Variants in CSMD1 observed in about 807,000 individuals in gnomAD.
CSMD1 encodes CUB and sushi domain-containing protein 1.
A neutral mutation model predicts 417.5 loss-of-function variants in CSMD1; 213 were observed. The observed-to-expected ratio is 0.51, with a 90% CI of 0.46 to 0.57. The LOEUF is 0.57. Ranked by LOEUF, CSMD1 falls within the 20% of genes least tolerant of loss-of-function variation. CSMD1 has a pLI of 0.00. For synonymous variants in CSMD1, 2,862 were observed against 1,736.8 expected, an observed-to-expected ratio of 1.65 and a Z score of -16.11; for missense variants, 6,923 against 4,529.7, an observed-to-expected ratio of 1.53 and a Z score of -15.17.
At chr8:4,274,708 A>T (rs989417184) in intron 3 of CSMD1, among the ~76,000 whole-genome samples, 11 of 152,154 alleles carry the variant, frequency 7.2e-5, no homozygotes, top group African/African-American at 2.4e-4. Flanking sequence ...GTGCAAAGTC[A>T]ACATAATACA....
chr8:3,398,759 G>A lies in CSMD1; in HGVS notation c.2405+632C>T, dbSNP rs9969535. 2.6e-5 allele frequency among the ~76,000 whole-genome samples: 4 copies of A among 151,948 alleles called. No individual in the cohort carries two copies. The East Asian group carries it at 5.8e-4, about 22-fold the overall frequency. ...CATCAATTTGGTCTCAGTGTTGAGAGAAATGGGAAAACCCTTCTTATATAG... is the reference window on the plus strand; with the variant it reads ...CATCAATTTGGTCTCAGTGTTGAGAAAAATGGGAAAACCCTTCTTATATAG... On this transcript the variant is annotated intron_variant, in intron 16 of 69. Coordinates refer to ENST00000635120, the MANE Select transcript of CSMD1 (RefSeq NM_033225.6).
chr8:3,382,273 T>A (rs1012391016), intron 18 of CSMD1, among the ~76,000 whole-genome samples: 6 of 150,528 alleles, frequency 4.0e-5, no homozygotes, highest in African/African-American at 1.5e-4. Flanking sequence ...TTCTTCTGAT[T>A]CCTAGTCAGC....
At chr8:3,905,552 C>A (rs1288834315) in intron 5 of CSMD1, among the ~76,000 whole-genome samples, 1 of 152,238 alleles carries the variant, frequency 6.6e-6, no homozygotes, top group African/African-American at 2.4e-5. Flanking sequence ...TCCCATCTCA[C>A]TGGGAGGGCT....
chr8:3,280,616 G>A (rs1023611577), intron 26 of CSMD1, among the ~76,000 whole-genome samples: 1 of 152,138 alleles, frequency 6.6e-6, no homozygotes, highest in East Asian at 1.9e-4. Flanking sequence ...TCCTATCCAA[G>A]TGTTACGTGA....
chr8:4,040,865 G>C (rs951876953), intron 3 of CSMD1, among the ~76,000 whole-genome samples: 2 of 152,114 alleles, frequency 1.3e-5, no homozygotes, highest in Admixed American at 6.6e-5. Context: ...AAATGCTGTT[G>C]CAAGATAATG....
At chr8:4,706,804 G>C (rs1807972245) in intron 1 of CSMD1, among the ~76,000 whole-genome samples, 1 of 152,222 alleles carries the variant, frequency 6.6e-6, no homozygotes, top group South Asian at 2.1e-4. Flanking sequence ...GACAGTGCTT[G>C]ACTTGTGTCA....
At chr8:4,004,953 C>T (rs1242194186) in intron 4 of CSMD1, among the ~76,000 whole-genome samples, 2 of 152,066 alleles carry the variant, frequency 1.3e-5, no homozygotes, top group African/African-American at 4.8e-5. Context: ...ACCGTGTTAG[C>T]CAGGATGGTC....
At chr8:3,593,838 CTCTCTTTCTCTATTTT>C (rs1800968653) in intron 8 of CSMD1, among the ~76,000 whole-genome samples, 1 of 152,152 alleles carries the variant, frequency 6.6e-6, no homozygotes, top group Admixed American at 6.5e-5. Flanking sequence ...CTATCTCCCT[CTCTCTTTCTCTATTTT>C]TCTCTTTCCC....
chr8:3,978,502 T>C (rs1229728414), intron 5 of CSMD1, among the ~76,000 whole-genome samples: 5 of 152,174 alleles, frequency 3.3e-5, no homozygotes, highest in Non-Finnish European at 7.3e-5. Flanking sequence ...CTTCAATACA[T>C]TCTACCACGC....
intron 3 of CSMD1, among the ~76,000 whole-genome samples, chr8:4,203,082 G>A (rs4875308): frequency 0.41 from 62,385 of 152,104 alleles, 14,262 homozygotes; most frequent in South Asian, 0.51. Context: ...CAAGTGAGAT[G>A]ACTTGCAGTT....
chr8:4,817,297 T>C (rs546101009), intron 1 of CSMD1, among the ~76,000 whole-genome samples: 14 of 152,320 alleles, frequency 9.2e-5, no homozygotes, highest in Non-Finnish European at 2.1e-4. Flanking sequence ...AATCAAGCTA[T>C]ACATTAAGGT....
At chr8:3,828,714 A>T (rs1303912503) in intron 5 of CSMD1, among the ~76,000 whole-genome samples, 1 of 152,076 alleles carries the variant, frequency 6.6e-6, no homozygotes, top group Non-Finnish European at 1.5e-5. Context: ...CCTAGTTTGG[A>T]GCCTTTCTGC....
chr8:3,889,020 A>G (rs1282390708), intron 5 of CSMD1, among the ~76,000 whole-genome samples: 6 of 152,150 alleles, frequency 3.9e-5, no homozygotes, highest in East Asian at 1.9e-4. Context: ...TTCAATTACC[A>G]TAATTGCCAT....
chr8:4,206,289 C>T (rs1441978596), intron 3 of CSMD1, among the ~76,000 whole-genome samples: 1 of 152,058 alleles, frequency 6.6e-6, no homozygotes, highest in African/African-American at 2.4e-5. Context: ...TGGTGTGCTG[C>T]ACCCATTAAC....
chr8:4,359,343 C>G (rs1801619248), intron 3 of CSMD1, among the ~76,000 whole-genome samples: 1 of 152,176 alleles, frequency 6.6e-6, no homozygotes, highest in Non-Finnish European at 1.5e-5. Flanking sequence ...TACAACATAT[C>G]TAAACACTAT....
At chr8:3,932,745 G>T (rs2627330) in intron 5 of CSMD1, among the ~76,000 whole-genome samples, 117,395 of 149,906 alleles carry the variant, frequency 0.78, 47,246 homozygotes, top group African/African-American at 0.81. Context: ...TAGTGTAATG[G>T]GATAAACCAC....
intron 3 of CSMD1, among the ~76,000 whole-genome samples, chr8:4,183,924 G>C (rs1456200529): frequency 6.6e-6 from 1 of 152,092 alleles, no homozygotes; most frequent in Non-Finnish European, 1.5e-5. Context: ...GCTACCACAT[G>C]ATAGTCTGGG....
chr8:3,676,666 G>T (rs948661114), intron 7 of CSMD1, among the ~76,000 whole-genome samples: 1 of 152,170 alleles, frequency 6.6e-6, no homozygotes, highest in East Asian at 1.9e-4. Context: ...TAGAGTATAT[G>T]AATCAAGTTC....
Position 4,590,211 on chromosome 8 carries a change from G to A in CSMD1, c.302+47131C>T, listed in dbSNP as rs552806580. 2.0e-5 allele frequency among the ~76,000 whole-genome samples: 3 copies of A among 151,984 alleles called. 1 individual carries two copies. Among genetic ancestry groups the A allele is most frequent in the African/African-American group, 7.2e-5 (3 of 41,436 alleles). On this transcript the variant is annotated intron_variant, in intron 2 of 69. Coordinates refer to ENST00000635120, the MANE Select transcript of CSMD1 (RefSeq NM_033225.6). ...TAGATGAGACCAGGATAACTCATCT[G>A]TGGTATGTGTTACAAGAGTAGTGTC...
Sources: gnomAD v4.1 joint callset for allele counts (sites outside exome capture counted in the v4.1 genomes callset) on GRCh38, gnomAD v4.1.1 for gene constraint, MANE v1.5 for transcripts, NCBI Gene and HGNC (gene_info 2026-07-23, HGNC 2026-07-21) for gene names.